Variants in PHIP observed in about 807,000 individuals in gnomAD.
PHIP encodes PH-interacting protein.
PHIP carries 54 observed loss-of-function variants against 236.8 expected under a neutral mutation model. The ratio of observed to expected loss-of-function variants is 0.23; its 90% CI spans 0.18 to 0.29. The LOEUF (loss-of-function observed/expected upper bound fraction) is 0.29, where lower values mean the gene tolerates loss of function less well. PHIP is among the 10% of genes least tolerant of loss of function. PHIP has a pLI of 1.00. For synonymous variants in PHIP, 756 were observed against 718.9 expected, an observed-to-expected ratio of 1.05 and a Z score of -0.83; for missense variants, 1,370 against 2,190.8, an observed-to-expected ratio of 0.63 and a Z score of 7.48.
In PHIP at chr6:78,940,258, GTA is replaced by G. The variant is rs989943838; in HGVS notation, c.*433_*434del. The G allele has an allele frequency of 2.3e-4, 35 of 151,988 alleles. No homozygotes were observed. The highest frequency in any genetic ancestry group is 7.7e-4 in the African/African-American group (32 of 41,518). The allele number at this position is 151,988 out of a possible 1,614,324, so 9.4% of individuals were successfully genotyped here. A position where few individuals can be genotyped will look rare whatever the true frequency, so the allele number is the denominator to read the frequency against. ...CATCTATCTTTTAGGGGCATGACTTGTATCAATAGAAATGTACCTCACTTGGT... is the reference window on the plus strand; with the variant it reads ...CATCTATCTTTTAGGGGCATGACTTGTCAATAGAAATGTACCTCACTTGGT... On this transcript the variant is annotated 3_prime_UTR_variant, in exon 40 of 40. Transcript: ENST00000275034.
intron 4 of PHIP, among the ~76,000 whole-genome samples, chr6:79,075,978 GAGTTTACTT>G (rs1774140001): frequency 6.6e-6 from 1 of 152,128 alleles, no homozygotes; most frequent in Non-Finnish European, 1.5e-5. Context: ...GTAAATCTTG[GAGTTTACTT>G]CCAGCTCCAT....
chr6:79,041,255 C>T (rs2127759146), intron 7 of PHIP, among the ~76,000 whole-genome samples: 1 of 152,200 alleles, frequency 6.6e-6, no homozygotes, highest in Non-Finnish European at 1.5e-5. Context: ...ACGCAGGCAG[C>T]AGCATGCTGA....
At chr6:78,945,090 T>C (rs1773727542) in intron 39 of PHIP, among the ~76,000 whole-genome samples, 1 of 152,144 alleles carries the variant, frequency 6.6e-6, no homozygotes. Context: ...TTCTTTTTTT[T>C]TTTTTTCTTT....
intron 35 of PHIP, among the ~76,000 whole-genome samples, chr6:78,951,970 G>A (rs1774185485): frequency 6.6e-6 from 1 of 152,176 alleles, no homozygotes; most frequent in Non-Finnish European, 1.5e-5. Context: ...GCTTGGAGCA[G>A]TCTCAGGTCT....
chr6:78,946,276 T>G lies in PHIP; in HGVS notation c.4371-16A>C. On this transcript the variant is annotated splice_polypyrimidine_tract_variant and intron_variant, in intron 37 of 39. Transcript: ENST00000275034. Reference sequence around the variant, plus strand: ...CCTTTCAGGGCTGTAAATAAAATAGTATTGTCAGTCACTCTTATAGCTCTA... The same window carrying G: ...CCTTTCAGGGCTGTAAATAAAATAGGATTGTCAGTCACTCTTATAGCTCTA... 1 of 1,606,114 alleles carries G rather than the reference T, an allele frequency of 6.2e-7. No individual in the cohort carries two copies.
chr6:79,028,735 G>T (rs1014294145), intron 7 of PHIP, among the ~76,000 whole-genome samples: 1 of 152,146 alleles, frequency 6.6e-6, no homozygotes, highest in Admixed American at 6.5e-5. Flanking sequence ...CACTACAGTA[G>T]GTAGACCATA....
intron 4 of PHIP, among the ~76,000 whole-genome samples, chr6:79,077,139 CGCACGGACGCGCGCGCCG>C (rs1774209888): frequency 6.6e-6 from 1 of 151,940 alleles, no homozygotes; most frequent in Non-Finnish European, 1.5e-5. Flanking sequence ...CCCCCGCGCC[CGCACGGACGCGCGCGCCG>C]GCCCCTCCTC....
intron 7 of PHIP, among the ~76,000 whole-genome samples, chr6:79,042,133 T>C (rs1772250754): frequency 6.6e-6 from 1 of 152,000 alleles, no homozygotes; most frequent in Non-Finnish European, 1.5e-5. Context: ...ATCATCATAA[T>C]AGTGTAGTAT....
At chr6:79,070,336 C>T (rs1773821310) in intron 4 of PHIP, among the ~76,000 whole-genome samples, 1 of 152,126 alleles carries the variant, frequency 6.6e-6, no homozygotes, top group Non-Finnish European at 1.5e-5. Flanking sequence ...TATACTAAGG[C>T]CAATGTAAAT....
At chr6:78,946,309 G>C (rs181972141) in intron 37 of PHIP, 49 bp from the exon 38 acceptor site, 1 of 1,514,320 alleles carries the variant, frequency 6.6e-7, no homozygotes, top group Admixed American at 2.1e-5. Flanking sequence ...CTATGTGAAC[G>C]AATAAAACAG....
intron 35 of PHIP, among the ~76,000 whole-genome samples, chr6:78,948,606 C>T (rs551600775): frequency 2.1e-4 from 32 of 152,188 alleles, no homozygotes; most frequent in African/African-American, 7.7e-4. Flanking sequence ...GCAACCTTCC[C>T]ACCTCAGCCT....
chr6:79,077,655 G>A (rs1774248382), intron 3 of PHIP, 45 bp downstream of exon 3: 2 of 950,868 alleles, frequency 2.1e-6, no homozygotes, highest in Non-Finnish European at 2.5e-6. Context: ...CGGCCCAGAG[G>A]CGGCCGCGCG....
chr6:79,016,672 G>T, intron 12 of PHIP, 30 bp from the exon 13 acceptor site: 1 of 1,378,852 alleles, frequency 7.3e-7, no homozygotes, highest in Non-Finnish European at 1.0e-6. Context: ...ATCCCCCAAA[G>T]AAAAATCATA....
chr6:78,986,076 A>G (rs1257927592), intron 21 of PHIP, among the ~76,000 whole-genome samples: 1 of 152,148 alleles, frequency 6.6e-6, no homozygotes, highest in African/African-American at 2.4e-5. Flanking sequence ...AGCCTTTTTA[A>G]AACACTAAGC....
chr6:79,003,562 GTCT>G (rs1770126776), intron 16 of PHIP, among the ~76,000 whole-genome samples, 165 bp downstream of exon 16: 1 of 151,884 alleles, frequency 6.6e-6, no homozygotes, highest in Non-Finnish European at 1.5e-5. Context: ...TTTAACTGCT[GTCT>G]TCACCTTCCT....
chr6:78,948,913 TA>T (rs1455379510), intron 35 of PHIP, among the ~76,000 whole-genome samples: 1 of 152,234 alleles, frequency 6.6e-6, no homozygotes, highest in African/African-American at 2.4e-5. Context: ...AGGTGTCCTA[TA>T]AGGTAGGATT....
At chr6:78,957,060 C>T (rs1582105115) in intron 32 of PHIP, 1 of 151,964 alleles carries the variant, frequency 6.6e-6, no homozygotes, top group African/African-American at 2.4e-5. Context: ...AAACTATACA[C>T]ATCTAAAAAA....
chr6:79,062,780 T>TTCTC (rs1392054295), intron 4 of PHIP, among the ~76,000 whole-genome samples: 1 of 152,326 alleles, frequency 6.6e-6, no homozygotes, highest in East Asian at 1.9e-4. Flanking sequence ...TCCTTGTGCT[T>TTCTC]TCTCTGGCTT....
Position 78,983,074 on chromosome 6 carries a change from T to C in PHIP, c.2581A>G (p.Ile861Val). The C allele has an allele frequency of 1.9e-6, 3 of 1,611,416 alleles. No individual in the cohort carries two copies. The highest frequency in any genetic ancestry group is 1.7e-4 in the Middle Eastern group (1 of 6,046). ...ACTTTCTTTGGTGGCTGCAGATTAA[T>C]TCCTGCATCTGCTGTCCAGTCAGAG... ...DYSDWTADAGINLQPPKKVPK... is the reference protein window; with the variant it reads ...DYSDWTADAGVNLQPPKKVPK... Residue 861 changes from isoleucine to valine, a missense_variant, in exon 23 of 40, where the codon ATT becomes GTT. By Grantham distance (29) the Ile-to-Val change is conservative (BLOSUM62 3). Around this residue, in one of 14 missense-constraint regions of PHIP, gnomAD observed 76 missense variants for 76.4 expected, o/e 0.99. Transcript: ENST00000275034.
Sources: allele counts gnomAD v4.1 joint callset (sites outside exome capture counted in the v4.1 genomes callset), GRCh38; gene constraint gnomAD v4.1.1; regional missense constraint gnomAD v4.1.1; transcripts MANE v1.5; gene names NCBI Gene and HGNC (gene_info 2026-07-23, HGNC 2026-07-21).